RARS2: variants seen among roughly 807,000 people sequenced by gnomAD.
The protein encoded by RARS2 is arginyl-tRNA synthetase 2, mitochondrial, also known as probable arginine--tRNA ligase, mitochondrial.
RARS2 carries 67 observed loss-of-function variants against 88.5 expected under a neutral mutation model. The observed-to-expected ratio is 0.76, with a 90% CI of 0.62 to 0.93. The LOEUF (loss-of-function observed/expected upper bound fraction) is 0.93. Among genes scored for constraint, RARS2 ranks in the 40% least tolerant of loss-of-function variants. The probability of loss-of-function intolerance (pLI) is 0.00; values close to 1 mark genes in which losing one functional copy is unlikely to be tolerated. For missense variants in RARS2, 664 were observed against 684.2 expected (o/e 0.97, Z 0.33); for synonymous variants, 239 against 230.3 (o/e 1.04, Z -0.34).
intron 1 of RARS2, 67 bp from the exon 2 acceptor site, chr6:87,569,657 A>T (rs974630310): frequency 4.1e-6 from 5 of 1,216,258 alleles, no homozygotes; most frequent in African/African-American, 1.5e-5. Context: ...ATGGAATACC[A>T]CTTGTAAGAA....
intron 6 of RARS2, 64 bp downstream of exon 6, chr6:87,548,527 A>T: frequency 6.7e-7 from 1 of 1,494,794 alleles, no homozygotes; most frequent in Non-Finnish European, 9.2e-7. Context: ...TAAAACATTA[A>T]ATTGAACTAT....
chr6:87,554,853 C>A (rs909298289), intron 5 of RARS2, among the ~76,000 whole-genome samples: 8 of 152,104 alleles, frequency 5.3e-5, no homozygotes, highest in Admixed American at 4.6e-4. Flanking sequence ...GTAATCCCAG[C>A]ACTTTTTGGG....
At chr6:87,530,661 A>T in intron 9 of RARS2, 123 bp downstream of exon 9, 1 of 1,327,390 alleles carries the variant, frequency 7.5e-7, no homozygotes, top group Non-Finnish European at 1.1e-6. Flanking sequence ...TTTGAGTCTT[A>T]ATTTTAAATT....
chr6:87,536,200 T>C (rs1175850884), intron 8 of RARS2, among the ~76,000 whole-genome samples: 1 of 152,170 alleles, frequency 6.6e-6, no homozygotes, highest in Non-Finnish European at 1.5e-5. Flanking sequence ...TACTGTTAGA[T>C]AATAAAGTCT....
chr6:87,570,564 G>A (rs888120360), intron 1 of RARS2, among the ~76,000 whole-genome samples: 9 of 151,926 alleles, frequency 5.9e-5, no homozygotes, highest in Admixed American at 2.0e-4. Context: ...GATTACAGAC[G>A]CACACCACCA....
intron 8 of RARS2, among the ~76,000 whole-genome samples, chr6:87,534,497 A>G (rs1778539445): frequency 6.6e-6 from 1 of 152,202 alleles, no homozygotes; most frequent in Admixed American, 6.5e-5. Context: ...CATGCTGATA[A>G]AAGTATTTTT....
intron 1 of RARS2, among the ~76,000 whole-genome samples, chr6:87,570,840 C>A (rs568005072): frequency 1.3e-5 from 2 of 152,300 alleles, no homozygotes; most frequent in East Asian, 3.9e-4. Flanking sequence ...AGAGTGAGCA[C>A]TGCACCAGTC....
chr6:87,553,461 T>C (rs144624267), intron 5 of RARS2, among the ~76,000 whole-genome samples: 196 of 152,330 alleles, frequency 1.3e-3, no homozygotes, highest in African/African-American at 4.0e-3. Flanking sequence ...AATATTTTAA[T>C]AGGCTTTTGG....
At chr6:87,540,561 T>TAAGTA (rs1367713816) in intron 8 of RARS2, among the ~76,000 whole-genome samples, 71 of 152,178 alleles carry the variant, frequency 4.7e-4, no homozygotes, top group Middle Eastern at 3.4e-3. Context: ...CTCTGTGGCT[T>TAAGTA]AAGCTGGAGA....
chr6:87,568,022 C>G (rs910522885), intron 2 of RARS2, among the ~76,000 whole-genome samples: 1 of 152,072 alleles, frequency 6.6e-6, no homozygotes, highest in Non-Finnish European at 1.5e-5. Context: ...CTGCCTGCCT[C>G]GGCCTCCCAA....
chr6:87,586,444 C>T (rs1033945075), intron 1 of RARS2, among the ~76,000 whole-genome samples: 23 of 152,192 alleles, frequency 1.5e-4, no homozygotes, highest in African/African-American at 5.6e-4. Context: ...AAACTGAGAC[C>T]TAACATCACC....
At chr6:87,531,139 A>G (rs952770614) in intron 8 of RARS2, among the ~76,000 whole-genome samples, 197 bp from the exon 9 acceptor site, 1 of 152,176 alleles carries the variant, frequency 6.6e-6, no homozygotes, top group Admixed American at 6.5e-5. Context: ...AAATGTTTCT[A>G]AATTCATAAA....
Position 87,530,802 on chromosome 6 carries a change from C to T in RARS2, c.753G>A (p.Glu251=), listed in dbSNP as rs569705741. ...WQKFRDLSIE[E]YIRVYKRLGV... ...CCAATACCTTGTAAACCCGAATGTACTCTTCAATGCTCAAGTCCCGAAATT... is the reference window on the plus strand; with the variant it reads ...CCAATACCTTGTAAACCCGAATGTATTCTTCAATGCTCAAGTCCCGAAATT... Residue 251 remains glutamate, a synonymous_variant, in exon 9 of 20, where the codon GAG becomes GAA. Transcript: ENST00000369536. 6.2e-7 allele frequency: 1 copy of T among 1,614,190 alleles called. No homozygotes were observed. Among genetic ancestry groups the T allele is most frequent in the South Asian group, 1.1e-5 (1 of 91,088 alleles).
At chr6:87,582,004 C>T (rs1283994429) in intron 1 of RARS2, among the ~76,000 whole-genome samples, 3 of 152,298 alleles carry the variant, frequency 2.0e-5, no homozygotes, top group Middle Eastern at 6.8e-3. Context: ...TCCAGTCTAT[C>T]ATTGATGGGC....
rs143244284 is a variant in RARS2 at position 87,548,872 on chromosome 6, G to A, written c.396-226C>T. Among the ~76,000 whole-genome samples the A allele has an allele frequency of 9.1e-4, 139 of 152,248 alleles. 2 individuals carry two copies. The East Asian group carries it at 0.013, about 14-fold the overall frequency. On this transcript the variant is annotated intron_variant, in intron 5 of 19. Coordinates refer to ENST00000369536, the MANE Select transcript of RARS2 (RefSeq NM_020320.5). ...TGACTCCTGAAGTAATAGCATTCAC[G>A]TAAGTGGTATCTGCTAGTATTTACT...
intron 2 of RARS2, among the ~76,000 whole-genome samples, chr6:87,568,436 G>A (rs918211876): frequency 6.6e-6 from 1 of 151,998 alleles, no homozygotes; most frequent in African/African-American, 2.4e-5. Flanking sequence ...GGAGTTTGAG[G>A]CAGCAGTGAG....
At chr6:87,545,510 C>A in intron 7 of RARS2, 106 bp downstream of exon 7, 7 of 1,395,478 alleles carry the variant, frequency 5.0e-6, no homozygotes, top group South Asian at 2.6e-5. Flanking sequence ...ATAGGTAGGA[C>A]ATACTACTTC....
At position 87,514,372 on chromosome 6, in the gene RARS2, C is replaced by A; in HGVS notation, c.*41G>T. Reference sequence around the variant, plus strand: ...CAGCAAGGCATCTCAGAATAGATAACTAGAATTCACTTGACATTTTAAAAG... The same window carrying A: ...CAGCAAGGCATCTCAGAATAGATAAATAGAATTCACTTGACATTTTAAAAG... On this transcript the variant is annotated 3_prime_UTR_variant, in exon 20 of 20. Transcript: ENST00000369536. 7.6e-7 allele frequency: 1 copy of A among 1,320,986 alleles called. No individual in the cohort carries two copies. Among genetic ancestry groups the A allele is most frequent in the Non-Finnish European group, 1.1e-6 (1 of 916,264 alleles). 81.8% of individuals were successfully genotyped at this position (1,320,986 alleles called of 1,614,324 possible). A position where few individuals can be genotyped will look rare whatever the true frequency, so the allele number is the denominator to read the frequency against.
At chr6:87,557,978 C>T (rs1786536054) in intron 4 of RARS2, among the ~76,000 whole-genome samples, 1 of 152,086 alleles carries the variant, frequency 6.6e-6, no homozygotes, top group African/African-American at 2.4e-5. Context: ...GAGTTCAAGA[C>T]CAGCCTGACC....
Sources: allele counts gnomAD v4.1 joint callset (sites outside exome capture counted in the v4.1 genomes callset), GRCh38; gene constraint gnomAD v4.1.1; transcripts MANE v1.5; gene names NCBI Gene and HGNC (gene_info 2026-07-23, HGNC 2026-07-21).